The following CADPS2 variants were observed in gnomAD, a reference collection of about 807,000 sequenced individuals.
The protein encoded by CADPS2 is calcium dependent secretion activator 2, also known as calcium-dependent secretion activator 2.
A neutral mutation model predicts 172.5 loss-of-function variants in CADPS2; 93 were observed. That is an observed-to-expected ratio of 0.54 (90% CI 0.46 to 0.64). The LOEUF (loss-of-function observed/expected upper bound fraction) is 0.64. CADPS2 is among the 30% of genes least tolerant of loss of function. CADPS2 has a pLI of 0.00. For synonymous variants in CADPS2, 546 were observed against 555.2 expected (o/e 0.98, Z 0.23); for missense variants, 1,420 against 1,565.9 (o/e 0.91, Z 1.57).
chr7:122,360,931 G>A lies in CADPS2; in HGVS notation c.3470C>T (p.Thr1157Ile). 1.2e-6 allele frequency: 2 copies of A among 1,612,832 alleles called. No homozygotes were observed. Among genetic ancestry groups the A allele is most frequent in the Admixed American group, 3.3e-5 (2 of 59,988 alleles). The change falls in exon 26 of 30, where the codon ACT becomes ATT. Residue 1157 changes from threonine (T) to isoleucine (I), a missense_variant and splice_region_variant. Thr to Ile is a moderately conservative substitution (Grantham distance 89). Transcript: ENST00000449022. Reference sequence around the variant, plus strand: ...AAGAGAACTCATTCAAATACTTACAGTGAATGACAGAATGGATGAAAAGAA... The same window carrying A: ...AAGAGAACTCATTCAAATACTTACAATGAATGACAGAATGGATGAAAAGAA... ...GTFFSSILSF[T>I]VKAAAKYVDV... is the part of the protein sequence containing the mutation.
At chr7:122,797,719 G>A (rs1796702574) in intron 1 of CADPS2, among the ~76,000 whole-genome samples, 1 of 152,096 alleles carries the variant, frequency 6.6e-6, no homozygotes, top group Admixed American at 6.5e-5. Context: ...ATTGCAGGGT[G>A]GAGGCAGGGA....
intron 1 of CADPS2, among the ~76,000 whole-genome samples, chr7:122,811,871 T>C (rs574650652): frequency 4.0e-4 from 61 of 152,288 alleles, no homozygotes; most frequent in African/African-American, 1.4e-3. Context: ...TACATGACAC[T>C]GTGCTAAACA....
At chr7:122,575,539 C>T (rs1237806857) in intron 7 of CADPS2, among the ~76,000 whole-genome samples, 2 of 151,488 alleles carry the variant, frequency 1.3e-5, no homozygotes, top group South Asian at 2.1e-4. Flanking sequence ...AGGGTTCAAG[C>T]GATTCTCCTG....
Position 122,438,377 on chromosome 7 carries a change from T to C in CADPS2, c.2440A>G (p.Asn814Asp), listed in dbSNP as rs765887418. 13 of 1,613,110 alleles carry C rather than the reference T, an allele frequency of 8.1e-6. No individual in the cohort carries two copies. The highest frequency in any genetic ancestry group is 6.8e-6 in the Non-Finnish European group (8 of 1,179,358). The change falls in exon 17 of 30, where the codon AAT becomes GAT. Residue 814 changes from asparagine to aspartate, a missense_variant. Transcript: ENST00000449022. ...GCATATTCTGTGAGTCTAGTGTAAT[T>C]GATCAAGGCAGCTTTCTCGAGACAT... ...RKCLEKAALINYTRLTEYAKI... is the reference protein window; with the variant it reads ...RKCLEKAALIDYTRLTEYAKI...
At chr7:122,624,233 T>G (rs1342534927) in intron 4 of CADPS2, among the ~76,000 whole-genome samples, 2 of 152,202 alleles carry the variant, frequency 1.3e-5, no homozygotes, top group African/African-American at 4.8e-5. Flanking sequence ...TAGAATTGAA[T>G]GAGAAATAGG....
intron 1 of CADPS2, among the ~76,000 whole-genome samples, chr7:122,783,145 G>C (rs774464893): frequency 1.3e-5 from 2 of 151,016 alleles, no homozygotes; most frequent in Non-Finnish European, 3.0e-5. Context: ...GAACCTGGGA[G>C]GGGGAGCTTG....
chr7:122,332,425 A>G (rs2035122062), intron 28 of CADPS2, among the ~76,000 whole-genome samples: 1 of 150,272 alleles, frequency 6.7e-6, no homozygotes, highest in Non-Finnish European at 1.5e-5. Flanking sequence ...CAGAACAGAG[A>G]AGCATGTGAT....
chr7:122,884,564 G>T (rs889628617), intron 1 of CADPS2, among the ~76,000 whole-genome samples: 1 of 152,134 alleles, frequency 6.6e-6, no homozygotes, highest in Non-Finnish European at 1.5e-5. Flanking sequence ...TTACCTGAAG[G>T]ATCTGTTATT....
intron 3 of CADPS2, among the ~76,000 whole-genome samples, chr7:122,641,628 C>A (rs773313621): frequency 2.0e-5 from 3 of 152,054 alleles, no homozygotes; most frequent in African/African-American, 7.2e-5. Context: ...ATACATCAAC[C>A]AGGGAAAACA....
intron 4 of CADPS2, among the ~76,000 whole-genome samples, chr7:122,625,059 T>A (rs565854580): frequency 3.9e-5 from 6 of 152,174 alleles, no homozygotes; most frequent in South Asian, 4.2e-4. Context: ...AATTATTTTT[T>A]TTTTTTTTGA....
At chr7:122,571,445 T>A (rs2067242279) in intron 7 of CADPS2, among the ~76,000 whole-genome samples, 1 of 152,106 alleles carries the variant, frequency 6.6e-6, no homozygotes, top group Admixed American at 6.6e-5. Flanking sequence ...GAGGATGCTG[T>A]GCATAATATG....
chr7:122,345,437 C>T, intron 28 of CADPS2, 137 bp downstream of exon 28: 1 of 565,138 alleles, frequency 1.8e-6, no homozygotes, highest in Non-Finnish European at 3.1e-6. Flanking sequence ...TATGCCTGGC[C>T]AGCTTCAACT....
intron 8 of CADPS2, among the ~76,000 whole-genome samples, chr7:122,527,166 T>G (rs2061303804): frequency 6.6e-6 from 1 of 152,144 alleles, no homozygotes; most frequent in Admixed American, 6.6e-5. Context: ...GAATTTTAAC[T>G]TAATGTGAAT....
chr7:122,455,525 G>A (rs965284557), intron 14 of CADPS2, among the ~76,000 whole-genome samples: 2 of 151,722 alleles, frequency 1.3e-5, no homozygotes, highest in African/African-American at 4.8e-5. Flanking sequence ...TGTATCTCTA[G>A]TGCTAGAACA....
chr7:122,345,045 C>T (rs1215346566), intron 28 of CADPS2, among the ~76,000 whole-genome samples: 3 of 151,936 alleles, frequency 2.0e-5, no homozygotes, highest in Non-Finnish European at 4.4e-5. Flanking sequence ...TCAGAAGGCA[C>T]CCCGCCATCC....
intron 12 of CADPS2, among the ~76,000 whole-genome samples, chr7:122,477,276 G>T (rs1224466391): frequency 2.0e-5 from 3 of 152,140 alleles, no homozygotes; most frequent in Non-Finnish European, 4.4e-5. Flanking sequence ...ACTTTGGGAG[G>T]CCGAGGTGGG....
chr7:122,651,512 CAT>C (rs2079144273), intron 3 of CADPS2, among the ~76,000 whole-genome samples: 1 of 152,172 alleles, frequency 6.6e-6, no homozygotes, highest in Non-Finnish European at 1.5e-5. Context: ...GAAAAGAAAT[CAT>C]AAACTTGAAG....
chr7:122,496,446 G>C (rs1229274594), intron 9 of CADPS2, among the ~76,000 whole-genome samples: 2 of 152,096 alleles, frequency 1.3e-5, no homozygotes, highest in African/African-American at 4.8e-5. Flanking sequence ...TATGGCATGA[G>C]TCACCACGCC....
At chr7:122,428,592 C>T (rs999286245) in intron 17 of CADPS2, among the ~76,000 whole-genome samples, 8 of 151,768 alleles carry the variant, frequency 5.3e-5, no homozygotes, top group South Asian at 2.1e-4. Flanking sequence ...TTCAGCCTCC[C>T]GAGTAGCTGG....
Sources: gnomAD v4.1 joint callset for allele counts (sites outside exome capture counted in the v4.1 genomes callset) on GRCh38, gnomAD v4.1.1 for gene constraint, MANE v1.5 for transcripts, NCBI Gene and HGNC (gene_info 2026-07-23, HGNC 2026-07-21) for gene names.